Variants in FANCA observed in about 807,000 individuals in gnomAD.
FANCA encodes Fanconi anemia group A protein.
In FANCA, 236 loss-of-function variants were observed where a neutral mutation model predicts 194.3. That is an observed-to-expected ratio of 1.21 (90% CI 1.09 to 1.35). The LOEUF is 1.35. Ranked by LOEUF, FANCA falls within the 40% of genes most tolerant of loss-of-function variation. The probability of loss-of-function intolerance (pLI) is 0.00; values close to 1 mark genes in which losing one functional copy is unlikely to be tolerated. For missense variants in FANCA, 2,628 were observed against 1,813.9 expected, an observed-to-expected ratio of 1.45 and a Z score of -8.15; for synonymous variants, 1,014 against 715.8, an observed-to-expected ratio of 1.42 and a Z score of -6.65.
chr16:89,770,494 G>C, intron 24 of FANCA, 70 bp downstream of exon 24: 2 of 1,418,828 alleles, frequency 1.4e-6, no homozygotes, highest in Non-Finnish European at 2.0e-6. Context: ...TCCCTGGTCT[G>C]CAGACTTGGC....
intron 37 of FANCA, 31 bp from the exon 38 acceptor site, chr16:89,740,897 A>C: frequency 6.4e-7 from 1 of 1,570,946 alleles, no homozygotes; most frequent in Non-Finnish European, 8.7e-7. Context: ...TTATTATTAC[A>C]TTAAAATTAC....
At chr16:89,811,205 T>A in intron 3 of FANCA, 134 bp from the exon 4 acceptor site, 1 of 1,048,362 alleles carries the variant, frequency 9.5e-7, no homozygotes, top group Non-Finnish European at 1.4e-6. Context: ...GGAGAATAGA[T>A]GCAAAGGGAA....
chr16:89,783,123 G>A lies in FANCA; in HGVS notation c.1471-21C>T, dbSNP rs9282683. On this transcript the variant is annotated intron_variant, in intron 15 of 42. Coordinates refer to ENST00000389301, the MANE Select transcript of FANCA (RefSeq NM_000135.4). Reference sequence around the variant, plus strand: ...TGCACCTGAGGATAGATAGCAGAGCGCAGCACCGTTAGTCTGGGAACTGCC... The same window carrying A: ...TGCACCTGAGGATAGATAGCAGAGCACAGCACCGTTAGTCTGGGAACTGCC... 2.2e-4 allele frequency: 346 copies of A among 1,577,964 alleles called. 2 individuals are homozygous for A. The Admixed American group carries it at 5.0e-3, about 23-fold the overall frequency.
At chr16:89,761,504 GA>G (rs1019421176) in intron 29 of FANCA, among the ~76,000 whole-genome samples, 63 of 140,868 alleles carry the variant, frequency 4.5e-4, no homozygotes, top group South Asian at 9.0e-4. Context: ...TCTTGCCACC[GA>G]AAAAAAAAAA....
In FANCA at chr16:89,810,802, T is replaced by G. The variant is rs539460201; in HGVS notation, c.427A>C (p.Lys143Gln). 1.2e-6 allele frequency: 2 copies of G among 1,612,936 alleles called. No individual in the cohort carries two copies. The highest frequency in any genetic ancestry group is 2.7e-5 in the African/African-American group (2 of 75,022). ...AACTCTAACAGGGAAGACAGCTTCT[T>G]CTGAAAAGAGAGATTACATTTTTTA... Reference protein sequence around the residue: ...HPVLLTVEQRKKLSSLLEFAQ... With the variant: ...HPVLLTVEQRQKLSSLLEFAQ... The change falls in exon 5 of 43, where the codon AAG (lysine) becomes CAG (glutamine). Residue 143 changes from lysine to glutamine, a missense_variant and splice_region_variant. Physicochemically the swap from Lys to Gln is moderately conservative, Grantham distance 53. Transcript: ENST00000389301.
In FANCA at chr16:89,764,682, G is replaced by C. The variant is rs538236824; in HGVS notation, c.2778+208C>G. On this transcript the variant is annotated intron_variant, in intron 28 of 42. Coordinates refer to ENST00000389301, the MANE Select transcript of FANCA (RefSeq NM_000135.4). ...ATTCCAATCAAACCATCTAAGTGCTGCTGTTCTTGCCTCTGAGGAGACAGT... is the reference window on the plus strand; with the variant it reads ...ATTCCAATCAAACCATCTAAGTGCTCCTGTTCTTGCCTCTGAGGAGACAGT... 47 of 669,460 alleles carry C rather than the reference G, an allele frequency of 7.0e-5. 2 individuals are homozygous for C. The highest frequency in any genetic ancestry group is 6.6e-4 in the South Asian group (45 of 67,936). 41.5% of individuals were successfully genotyped at this position (669,460 alleles called of 1,614,324 possible).
rs56326613 is a variant in FANCA, at chr16:89,752,089, G to A, written c.3066+49C>T. ...CTGGCAATAAATATCTTAATAGCAC[G>A]CGGCTTAAATGAAGTGAATGCACTG... On this transcript the variant is annotated intron_variant, in intron 31 of 42. Transcript: ENST00000389301. The A allele has an allele frequency of 2.9e-5, 44 of 1,526,444 alleles. No homozygotes were observed. In the East Asian group the frequency reaches 3.4e-4, roughly 12 times the overall value. 94.6% of individuals were successfully genotyped at this position (1,526,444 alleles called of 1,614,324 possible).
At chr16:89,743,529 TAAAC>T (rs72311686) in intron 36 of FANCA, among the ~76,000 whole-genome samples, 10,216 of 152,060 alleles carry the variant, frequency 0.067, 843 homozygotes, top group African/African-American at 0.2. Flanking sequence ...CAATCTCAAA[TAAAC>T]AAAAACGAGG....
In FANCA at chr16:89,808,668, C is replaced by T. The variant is rs977949992; in HGVS notation, c.523-301G>A. ...AACCCTTTCTCCACACTACAGCCAA[C>T]ACAGTATTACACACACTGACATGAC... is the stretch of plus-strand genomic sequence containing the variant. On this transcript the variant is annotated intron_variant, in intron 5 of 42. Transcript: ENST00000389301. Among the ~76,000 whole-genome samples, 13 of 152,198 alleles carry T rather than the reference C, an allele frequency of 8.5e-5. No homozygotes were observed. In the East Asian group the frequency reaches 2.5e-3, roughly 29 times the overall value.
At chr16:89,794,907 G>C (rs1023549517) in intron 11 of FANCA, among the ~76,000 whole-genome samples, 2 of 152,322 alleles carry the variant, frequency 1.3e-5, no homozygotes, top group South Asian at 2.1e-4. Context: ...GGCAAGGGTA[G>C]CCAGCAGAAA....
intron 42 of FANCA, 33 bp from the exon 43 acceptor site, chr16:89,738,741 C>A (rs541302571): frequency 6.2e-7 from 1 of 1,612,874 alleles, no homozygotes; most frequent in South Asian, 1.1e-5. Context: ...CAGCCCATGC[C>A]GCCCACTAGG....
Position 89,743,556 on chromosome 16 carries a change from G to C in FANCA, c.3627-618C>G, listed in dbSNP as rs547966892. Among the ~76,000 whole-genome samples, 3 of 152,316 alleles carry C rather than the reference G, an allele frequency of 2.0e-5. No homozygotes were observed. In the East Asian group the frequency reaches 5.8e-4, roughly 29 times the overall value. On this transcript the variant is annotated intron_variant, in intron 36 of 42. Coordinates refer to ENST00000389301, the MANE Select transcript of FANCA (RefSeq NM_000135.4). ...AACAAAAACGAGGCAGGGCGTGGTGGTTCACGCCTGTAATCCCAGCACTTT... is the reference window on the plus strand; with the variant it reads ...AACAAAAACGAGGCAGGGCGTGGTGCTTCACGCCTGTAATCCCAGCACTTT...
intron 14 of FANCA, among the ~76,000 whole-genome samples, chr16:89,789,059 AGCACCAG>A (rs1339671572): frequency 6.6e-6 from 1 of 151,960 alleles, no homozygotes; most frequent in East Asian, 1.9e-4. Flanking sequence ...CTGACCCAAG[AGCACCAG>A]GTGGATTCTG....
rs1354855145 is a variant in FANCA at position 89,770,174 on chromosome 16, G to A, written c.2308C>T (p.Arg770Cys). 2.9e-5 allele frequency: 46 copies of A among 1,589,958 alleles called. No individual in the cohort carries two copies. The highest frequency in any genetic ancestry group is 4.5e-5 in the East Asian group (2 of 44,066). Residue 770 changes from arginine (R) to cysteine (C), a missense_variant, in exon 25 of 43, where the codon CGT becomes TGT. Coordinates refer to ENST00000389301, the MANE Select transcript of FANCA (RefSeq NM_000135.4). Reference protein sequence around the residue: ...AVLTRLCQLLRHQGPSLSAPH... With the variant: ...AVLTRLCQLLCHQGPSLSAPH... ...ATGAAGGAGAGCCTCACCTGGTGAC[G>A]GAGCAGCTGGCAGAGCCGGGTGAGC... is the stretch of plus-strand genomic sequence containing the variant.
At position 89,791,430 on chromosome 16, in the gene FANCA, C is replaced by T. The variant is rs377705748; in HGVS notation, c.1332G>A (p.Ala444=). 2.2e-5 allele frequency: 36 copies of T among 1,614,066 alleles called. No individual in the cohort carries two copies. In the African/African-American group the frequency reaches 2.5e-4, roughly 11 times the overall value. Residue 444 remains alanine (A), a synonymous_variant, in exon 14 of 43, where the codon GCG becomes GCA. Transcript: ENST00000389301. The part of the protein sequence containing the change: ...VRQAALEGPS[A]FLSYADWFKA... ...TGAACCAGTCTGCATATGACAGGAA[C>T]GCAGAGGGGCCCTCCAGTGCTGCCT...
chr16:89,807,711 A>G (rs1355027710), intron 6 of FANCA, among the ~76,000 whole-genome samples: 1 of 151,224 alleles, frequency 6.6e-6, no homozygotes, highest in East Asian at 2.0e-4. Flanking sequence ...GGTGAAACCC[A>G]GTCTCTACTA....
Position 89,802,266 on chromosome 16 carries a change from A to T in FANCA, c.792+993T>A, listed in dbSNP as rs375983438. Among the ~76,000 whole-genome samples, 890 of 136,230 alleles carry T rather than the reference A, an allele frequency of 6.5e-3. 13 individuals are homozygous for T. The highest frequency in any genetic ancestry group is 0.023 in the African/African-American group (846 of 37,262). 89.4% of individuals were successfully genotyped at this position (136,230 alleles called of 152,430 possible). A position where few individuals can be genotyped will look rare whatever the true frequency, so the allele number is the denominator to read the frequency against. ...CAGGCATGTGCCACCACGCCCGGCT[A>T]TTTTTTTTTTTTTTTTACTAGAGAC... On this transcript the variant is annotated intron_variant, in intron 8 of 42. Transcript: ENST00000389301.
intron 37 of FANCA, among the ~76,000 whole-genome samples, chr16:89,742,330 C>CT (rs2062154164): frequency 6.6e-6 from 1 of 152,060 alleles, no homozygotes; most frequent in Non-Finnish European, 1.5e-5. Flanking sequence ...TGGTGGCACA[C>CT]ACCTGTAGTC....
intron 30 of FANCA, among the ~76,000 whole-genome samples, chr16:89,755,939 C>A (rs1400636744): frequency 6.6e-6 from 1 of 151,406 alleles, no homozygotes; most frequent in Non-Finnish European, 1.5e-5. Flanking sequence ...CAGACCAGAG[C>A]CCCCGCACAC....
Sources: allele counts gnomAD v4.1 joint callset (sites outside exome capture counted in the v4.1 genomes callset), GRCh38; gene constraint gnomAD v4.1.1; transcripts MANE v1.5; gene names NCBI Gene and HGNC (gene_info 2026-07-23, HGNC 2026-07-21).